The following LPP variants were observed in gnomAD, a reference collection of about 807,000 sequenced individuals.
The protein encoded by LPP is LIM domain containing preferred translocation partner in lipoma, also known as lipoma-preferred partner.
LPP carries 38 observed loss-of-function variants against 60.4 expected under a neutral mutation model. The observed-to-expected ratio is 0.63, with a 90% CI of 0.49 to 0.83. The LOEUF (loss-of-function observed/expected upper bound fraction) is 0.83. Among genes scored for constraint, LPP ranks in the 40% least tolerant of loss-of-function variants. The pLI is 0.00. For synonymous variants in LPP, 328 were observed against 290.8 expected (o/e 1.13, Z -1.30); for missense variants, 902 against 783.6 (o/e 1.15, Z -1.80).
At chr3:188,400,797 C>T (rs1434860490) in intron 3 of LPP, among the ~76,000 whole-genome samples, 1 of 152,090 alleles carries the variant, frequency 6.6e-6, no homozygotes, top group African/African-American at 2.4e-5. Context: ...TGAAACCTAG[C>T]TAGAATGAGG....
At chr3:188,581,491 T>C (rs1315737824) in intron 6 of LPP, among the ~76,000 whole-genome samples, 1 of 152,128 alleles carries the variant, frequency 6.6e-6, no homozygotes, top group Admixed American at 6.5e-5. Context: ...GTTAGAGACA[T>C]TCGACTAAAT....
intron 8 of LPP, chr3:188,710,089 G>T (rs1007257643): frequency 6.6e-6 from 1 of 152,146 alleles, no homozygotes; most frequent in African/African-American, 2.4e-5. Flanking sequence ...CAAAGATGGG[G>T]AAATTGCACA....
At chr3:188,529,907 CA>C (rs1821679044) in intron 6 of LPP, among the ~76,000 whole-genome samples, 1 of 152,152 alleles carries the variant, frequency 6.6e-6, no homozygotes, top group Admixed American at 6.5e-5. Flanking sequence ...CACCACGTGT[CA>C]AAATTATTGG....
intron 3 of LPP, among the ~76,000 whole-genome samples, chr3:188,353,322 G>A (rs750447370): frequency 1.3e-5 from 2 of 152,122 alleles, no homozygotes; most frequent in Non-Finnish European, 2.9e-5. Context: ...GAACTTAGTT[G>A]GATTCGGATG....
chr3:188,873,924 TC>T (rs1181018787), intron 11 of LPP, among the ~76,000 whole-genome samples: 2 of 152,098 alleles, frequency 1.3e-5, no homozygotes, highest in African/African-American at 4.8e-5. Context: ...GCCAAAACAT[TC>T]CATTCCTGTA....
intron 7 of LPP, among the ~76,000 whole-genome samples, chr3:188,707,739 T>A (rs1865767535): frequency 6.6e-6 from 1 of 152,202 alleles, no homozygotes; most frequent in African/African-American, 2.4e-5. Flanking sequence ...TTTTTTCACC[T>A]GAGTGTGAGA....
chr3:188,424,130 GTA>G (rs1056062347), intron 4 of LPP, among the ~76,000 whole-genome samples: 16 of 152,196 alleles, frequency 1.1e-4, no homozygotes, highest in Admixed American at 9.8e-4. Context: ...GTTGATTTTT[GTA>G]TAAGGTGTAA....
chr3:188,591,556 C>T (rs74684670), intron 6 of LPP, among the ~76,000 whole-genome samples: 1 of 152,142 alleles, frequency 6.6e-6, no homozygotes, highest in East Asian at 1.9e-4. Flanking sequence ...GCTCTGGGAG[C>T]CTTTTTCCTT....
intron 5 of LPP, among the ~76,000 whole-genome samples, chr3:188,488,073 C>T (rs903069833): frequency 6.8e-6 from 1 of 146,938 alleles, no homozygotes; most frequent in African/African-American, 2.5e-5. Context: ...AGGGATGGAT[C>T]CTCTGGTTTC....
At chr3:188,627,053 C>G (rs931626188) in intron 7 of LPP, among the ~76,000 whole-genome samples, 8 of 152,022 alleles carry the variant, frequency 5.3e-5, no homozygotes, top group African/African-American at 1.9e-4. Flanking sequence ...AACTGTACAA[C>G]CTAATTTCAT....
In LPP at chr3:188,154,183, C is replaced by A; in HGVS notation, c.-259C>A. 1 of 217,420 alleles carries A rather than the reference C, an allele frequency of 4.6e-6. No individual in the cohort carries two copies. The highest frequency in any genetic ancestry group is 5.9e-5 in the Admixed American group (1 of 17,074). 13.5% of individuals were successfully genotyped at this position (217,420 alleles called of 1,614,324 possible). A position where few individuals can be genotyped will look rare whatever the true frequency, so the allele number is the denominator to read the frequency against. ...CCTCCTCCTCTGCCTCTGCCTCCGCCTCCAGCCGCCGCCGCCGCCGCCGCC... is the reference window on the plus strand; with the variant it reads ...CCTCCTCCTCTGCCTCTGCCTCCGCATCCAGCCGCCGCCGCCGCCGCCGCC... On this transcript the variant is annotated 5_prime_UTR_variant, in exon 1 of 12. Coordinates refer to ENST00000617246, the MANE Select transcript of LPP (RefSeq NM_001375462.1).
chr3:188,359,623 A>G (rs2150927751), intron 3 of LPP, among the ~76,000 whole-genome samples: 1 of 152,242 alleles, frequency 6.6e-6, no homozygotes, highest in Admixed American at 6.5e-5. Flanking sequence ...AATCCCCTCA[A>G]CTACCCAGTG....
intron 4 of LPP, among the ~76,000 whole-genome samples, chr3:188,466,328 C>T (rs1198525451): frequency 6.6e-6 from 1 of 152,090 alleles, no homozygotes; most frequent in Non-Finnish European, 1.5e-5. Context: ...TAACGGCCAT[C>T]TTATGGCATC....
rs1769036705 is a variant in LPP, at chr3:188,874,663, T to C, written c.*184T>C. 2 of 640,866 alleles carry C rather than the reference T, an allele frequency of 3.1e-6. No homozygotes were observed. The highest frequency in any genetic ancestry group is 5.0e-5 in the South Asian group (2 of 40,078). 39.7% of individuals were successfully genotyped at this position (640,866 alleles called of 1,614,324 possible). A position where few individuals can be genotyped will look rare whatever the true frequency, so the allele number is the denominator to read the frequency against. On this transcript the variant is annotated 3_prime_UTR_variant, in exon 12 of 12. Coordinates refer to ENST00000617246, the MANE Select transcript of LPP (RefSeq NM_001375462.1). ...TTGTTACCAAATACACATTTCACAT[T>C]GAATCATGTAGGATCTTGATGGGCC...
intron 2 of LPP, among the ~76,000 whole-genome samples, chr3:188,254,390 C>T (rs984609645): frequency 6.6e-6 from 1 of 152,104 alleles, no homozygotes; most frequent in Non-Finnish European, 1.5e-5. Context: ...CTGGAACTCC[C>T]CAACCCCTGT....
chr3:188,790,067 G>A (rs79562213), intron 9 of LPP, among the ~76,000 whole-genome samples: 133 of 152,178 alleles, frequency 8.7e-4, no homozygotes, highest in Non-Finnish European at 1.4e-3. Flanking sequence ...GACAGTAGGC[G>A]TATTTGCATA....
intron 4 of LPP, among the ~76,000 whole-genome samples, chr3:188,430,274 A>G (rs546548953): frequency 2.0e-5 from 3 of 152,322 alleles, no homozygotes; most frequent in Admixed American, 6.5e-5. Context: ...AAGATTATTA[A>G]GAAAATTATC....
intron 9 of LPP, among the ~76,000 whole-genome samples, chr3:188,852,757 A>G (rs965904472): frequency 3.3e-5 from 5 of 152,206 alleles, no homozygotes; most frequent in African/African-American, 1.2e-4. Context: ...AGTCAGTGGT[A>G]TTGTATTATA....
At chr3:188,682,419 G>A (rs1260746314) in intron 7 of LPP, among the ~76,000 whole-genome samples, 3 of 152,212 alleles carry the variant, frequency 2.0e-5, no homozygotes, top group East Asian at 3.9e-4. Flanking sequence ...ACACCGTGCA[G>A]CTCTCACCTT....
Sources: gnomAD v4.1 joint callset for allele counts (sites outside exome capture counted in the v4.1 genomes callset) on GRCh38, gnomAD v4.1.1 for gene constraint, MANE v1.5 for transcripts, NCBI Gene and HGNC (gene_info 2026-07-23, HGNC 2026-07-21) for gene names.